RELN: variants seen among roughly 807,000 people sequenced by gnomAD.
The protein encoded by RELN is reelin.
A neutral mutation model predicts 427.6 loss-of-function variants in RELN; 108 were observed. The observed-to-expected ratio is 0.25, with a 90% CI of 0.22 to 0.30. RELN has a LOEUF of 0.30. RELN is among the 10% of genes least tolerant of loss of function. The pLI is 1.00. For missense variants in RELN, 3,715 were observed against 4,302.8 expected (o/e 0.86, Z 3.82); for synonymous variants, 1,524 against 1,513.4 (o/e 1.01, Z -0.16).
At chr7:103,572,327 T>C in intron 30 of RELN, 67 bp from the exon 31 acceptor site, 1 of 879,120 alleles carries the variant, frequency 1.1e-6, no homozygotes, top group Non-Finnish European at 1.9e-6. Flanking sequence ...ATTAGCGTTT[T>C]GACACATTAG....
intron 1 of RELN, among the ~76,000 whole-genome samples, chr7:103,934,543 T>G (rs778060735): frequency 3.3e-5 from 5 of 152,152 alleles, no homozygotes; most frequent in African/African-American, 4.8e-5. Flanking sequence ...AATCACAACT[T>G]CCAAGGCTGA....
At chr7:103,739,471 G>T (rs1033592842) in intron 6 of RELN, among the ~76,000 whole-genome samples, 6 of 152,142 alleles carry the variant, frequency 3.9e-5, no homozygotes, top group African/African-American at 1.4e-4. Flanking sequence ...GAACACACTT[G>T]CTAACAGCAC....
intron 29 of RELN, 21 bp downstream of exon 29, chr7:103,575,527 G>C: frequency 6.2e-7 from 1 of 1,611,952 alleles, no homozygotes; most frequent in Non-Finnish European, 8.5e-7. Context: ...AAAACCCTCA[G>C]ACACATGTAT....
At chr7:103,987,891 G>C (rs751879998) in intron 1 of RELN, among the ~76,000 whole-genome samples, 7 of 152,158 alleles carry the variant, frequency 4.6e-5, no homozygotes, top group Admixed American at 2.0e-4. Flanking sequence ...TAAAAGCACT[G>C]TTTAAAACCT....
intron 1 of RELN, among the ~76,000 whole-genome samples, chr7:103,921,898 G>T (rs1351015631): frequency 6.6e-6 from 1 of 152,152 alleles, no homozygotes; most frequent in Admixed American, 6.6e-5. Context: ...TCAGGTGCAG[G>T]TTCAAATGTC....
chr7:103,805,495 TC>T (rs1792576517), intron 3 of RELN, among the ~76,000 whole-genome samples: 1 of 152,164 alleles, frequency 6.6e-6, no homozygotes, highest in South Asian at 2.1e-4. Flanking sequence ...AATGTTCTAG[TC>T]CTCTGGTCTA....
intron 10 of RELN, among the ~76,000 whole-genome samples, chr7:103,686,125 G>C (rs142550029): frequency 1.1e-4 from 16 of 152,174 alleles, no homozygotes; most frequent in African/African-American, 3.9e-4. Flanking sequence ...ATTCTTTGAC[G>C]ATATCCTTTT....
chr7:103,592,369 C>T (rs1212299104), intron 27 of RELN, among the ~76,000 whole-genome samples: 1 of 152,118 alleles, frequency 6.6e-6, no homozygotes, highest in Non-Finnish European at 1.5e-5. Context: ...GTCATGATGT[C>T]ATCCTTTTTT....
chr7:103,791,792 G>T (rs1792168145), intron 3 of RELN, among the ~76,000 whole-genome samples: 1 of 151,560 alleles, frequency 6.6e-6, no homozygotes, highest in Non-Finnish European at 1.5e-5. Flanking sequence ...TAAAAAAAAA[G>T]ACCCACAGAA....
intron 10 of RELN, among the ~76,000 whole-genome samples, chr7:103,682,480 G>T (rs111464164): frequency 6.6e-6 from 1 of 152,178 alleles, no homozygotes; most frequent in Non-Finnish European, 1.5e-5. Flanking sequence ...GAGTCAAGGG[G>T]GCATTTGAGC....
At chr7:103,497,793 G>A (rs777931621) in intron 55 of RELN, 27 bp downstream of exon 55, 9 of 1,586,696 alleles carry the variant, frequency 5.7e-6, no homozygotes, top group Non-Finnish European at 6.1e-6. Context: ...TCTGCTCCAA[G>A]GGGTGGTTTT....
intron 61 of RELN, chr7:103,484,158 G>GCA (rs1828343077): frequency 8.1e-6 from 3 of 372,494 alleles, no homozygotes; most frequent in Non-Finnish European, 1.5e-5. Context: ...GGGATTACAG[G>GCA]TGTAAGCCAC....
chr7:103,732,649 A>T (rs907594583), intron 6 of RELN, among the ~76,000 whole-genome samples: 1 of 152,162 alleles, frequency 6.6e-6, no homozygotes, highest in African/African-American at 2.4e-5. Context: ...TTATGGATAT[A>T]AATAAACATT....
Position 103,603,250 on chromosome 7 carries a change from T to C in RELN, c.3333+54A>G. The C allele has an allele frequency of 7.3e-7, 1 of 1,369,532 alleles. No individual in the cohort carries two copies. The highest frequency in any genetic ancestry group is 1.0e-6 in the Non-Finnish European group (1 of 957,488). 84.8% of individuals were successfully genotyped at this position (1,369,532 alleles called of 1,614,324 possible). A position where few individuals can be genotyped will look rare whatever the true frequency, so the allele number is the denominator to read the frequency against. On this transcript the variant is annotated intron_variant, in intron 24 of 64. Coordinates refer to ENST00000428762, the MANE Select transcript of RELN (RefSeq NM_005045.4). The surrounding 1 kb of genome is among the most constrained non-coding windows in gnomAD (Gnocchi z 4.3). The stretch of plus-strand genomic sequence containing the variant: ...ATATTTGTACATTTGGAATTCAGAG[T>C]CTCATATTAAACTAGCCATTGCCCC...
chr7:103,520,957 A>ATTTTTTTTT lies in RELN; in HGVS notation c.7668+1056_7668+1064dup, dbSNP rs55830035. Among the ~76,000 whole-genome samples the ATTTTTTTTT allele has an allele frequency of 3.7e-3, 289 of 79,160 alleles. 20 individuals carry two copies. Among genetic ancestry groups the ATTTTTTTTT allele is most frequent in the Middle Eastern group, 0.011 (1 of 90 alleles). The allele number at this position is 79,160 out of a possible 152,430, so 51.9% of individuals were successfully genotyped here. A position where few individuals can be genotyped will look rare whatever the true frequency, so the allele number is the denominator to read the frequency against. ...ATAAAGAGCTGGCAGTAAATTTGTTATTTTTTTTTTTTTTTTTTTTTTTTT... is the reference window on the plus strand; with the variant it reads ...ATAAAGAGCTGGCAGTAAATTTGTTATTTTTTTTTTTTTTTTTTTTTTTTTTTTTTTTTT... On this transcript the variant is annotated intron_variant, in intron 48 of 64. Transcript: ENST00000428762.
intron 41 of RELN, among the ~76,000 whole-genome samples, chr7:103,546,532 C>T (rs1286930129): frequency 1.3e-5 from 2 of 152,034 alleles, no homozygotes; most frequent in Non-Finnish European, 2.9e-5. Context: ...AATTGATGGA[C>T]CTTATGGTAA....
chr7:103,971,733 T>C (rs1012067023), intron 1 of RELN, among the ~76,000 whole-genome samples: 1 of 152,166 alleles, frequency 6.6e-6, no homozygotes, highest in Non-Finnish European at 1.5e-5. Context: ...GAATGGATAC[T>C]GTGAAAGTAT....
At chr7:103,746,281 G>A (rs2116046089) in intron 6 of RELN, among the ~76,000 whole-genome samples, 1 of 152,308 alleles carries the variant, frequency 6.6e-6, no homozygotes, top group South Asian at 2.1e-4. Flanking sequence ...ATGGATTAAA[G>A]ACTTAAATGT....
intron 24 of RELN, among the ~76,000 whole-genome samples, chr7:103,599,882 T>A (rs1018558865): frequency 1.3e-5 from 2 of 152,036 alleles, no homozygotes; most frequent in African/African-American, 4.8e-5. Context: ...AAAGAATGAA[T>A]TATGTATGTA....
Sources: allele counts gnomAD v4.1 joint callset (sites outside exome capture counted in the v4.1 genomes callset), GRCh38; gene constraint gnomAD v4.1.1; non-coding constraint Gnocchi (gnomAD v3.1); transcripts MANE v1.5; gene names NCBI Gene and HGNC (gene_info 2026-07-23, HGNC 2026-07-21).